The following TTC28 variants were observed in gnomAD, a reference collection of about 807,000 sequenced individuals.
TTC28 encodes tetratricopeptide repeat protein 28.
TTC28 carries 61 observed loss-of-function variants against 198.0 expected under a neutral mutation model. The ratio of observed to expected loss-of-function variants is 0.31; its 90% confidence interval spans 0.25 to 0.38. TTC28 has a LOEUF of 0.38. TTC28 is among the 10% of genes least tolerant of loss of function. The probability of loss-of-function intolerance (pLI) is 1.00; values close to 1 mark genes in which losing one functional copy is unlikely to be tolerated. For missense variants in TTC28, 2,678 were observed against 3,164.0 expected (o/e 0.85, Z 3.69); for synonymous variants, 1,171 against 1,297.8 (o/e 0.90, Z 2.10).
At chr22:28,560,699 G>A (rs1430253200) in intron 2 of TTC28, among the ~76,000 whole-genome samples, 1 of 152,046 alleles carries the variant, frequency 6.6e-6, no homozygotes, top group Non-Finnish European at 1.5e-5. Context: ...GACCTCCTCA[G>A]GGTGAACTTC....
chr22:28,192,065 C>T (rs918081050), intron 5 of TTC28, among the ~76,000 whole-genome samples: 2 of 152,206 alleles, frequency 1.3e-5, no homozygotes, highest in Admixed American at 1.3e-4. Context: ...ACACCTCACA[C>T]GGCCGGGTAC....
chr22:27,983,502 T>C lies in TTC28; in HGVS notation c.6165A>G (p.Glu2055=), dbSNP rs914959273. The change falls in exon 23 of 23, where the codon GAA becomes GAG. Residue 2055 remains glutamate, a synonymous_variant. Coordinates refer to ENST00000397906, the MANE Select transcript of TTC28 (RefSeq NM_001145418.2). ...TRPAGNKDEE[E]YEGFSIISNE... ...TACTGATGATAGAAAACCCTTCATA[T>C]TCTTCTTCATCTTTGTTGCCTGCAG... is the stretch of plus-strand genomic sequence containing the variant. The C allele has an allele frequency of 3.2e-6, 5 of 1,548,392 alleles. No homozygotes were observed. The highest frequency in any genetic ancestry group is 1.4e-5 in the African/African-American group (1 of 72,584).
At chr22:28,268,870 AT>A (rs1277456127) in intron 5 of TTC28, among the ~76,000 whole-genome samples, 1 of 152,106 alleles carries the variant, frequency 6.6e-6, no homozygotes, top group Admixed American at 6.5e-5. Context: ...TTCTACTTCT[AT>A]TTTGGTGAGA....
rs1041709071 is a variant in TTC28 at position 27,998,931 on chromosome 22, G to A, written c.4728C>T (p.Pro1576=). ...PASSKSSFGH[P]YTIPESLRVQ... is the part of the protein sequence containing the mutation. ...CCCGCAAGGACTCAGGGATCGTGTA[G>A]GGGTGGCCGAAGGAGCTCTTGCTGC... Residue 1576 remains proline (P), a synonymous_variant, in exon 16 of 23, where the codon CCC becomes CCT. Transcript: ENST00000397906. 4.5e-6 allele frequency: 7 copies of A among 1,550,690 alleles called. No homozygotes were observed. The highest frequency in any genetic ancestry group is 1.4e-5 in the African/African-American group (1 of 73,060).
chr22:28,395,265 T>A (rs533265869), intron 2 of TTC28, among the ~76,000 whole-genome samples: 27 of 152,292 alleles, frequency 1.8e-4, no homozygotes, highest in African/African-American at 6.0e-4. Flanking sequence ...GAGAGCAAAT[T>A]AATCTTCCTC....
At chr22:28,652,123 AGCCACTGT>A (rs1180254431) in intron 1 of TTC28, among the ~76,000 whole-genome samples, 2 of 152,260 alleles carry the variant, frequency 1.3e-5, no homozygotes, top group African/African-American at 2.4e-5. Context: ...TACAGGCATG[AGCCACTGT>A]GCCTGGCCTG....
At chr22:28,406,164 T>C (rs999313017) in intron 2 of TTC28, among the ~76,000 whole-genome samples, 1 of 152,196 alleles carries the variant, frequency 6.6e-6, no homozygotes, top group Non-Finnish European at 1.5e-5. Flanking sequence ...TTCACTGAAA[T>C]GAAAATATAA....
rs544754911 is a variant in TTC28 at position 28,285,929 on chromosome 22, A to C, written c.933+10269T>G. ...AGTGGATGAATGGCACACCCATAAT[A>C]CATACTAGTACACAGTACAAAACAA... is the stretch of plus-strand genomic sequence containing the variant. On this transcript the variant is annotated intron_variant, in intron 5 of 22. Transcript: ENST00000397906. Among the ~76,000 whole-genome samples, 151 of 152,270 alleles carry C rather than the reference A, an allele frequency of 9.9e-4. 1 individual carries two copies. The highest frequency in any genetic ancestry group is 9.7e-4 in the East Asian group (5 of 5,176).
chr22:28,169,209 T>C (rs1007862766), intron 5 of TTC28, among the ~76,000 whole-genome samples: 10 of 152,144 alleles, frequency 6.6e-5, no homozygotes, highest in African/African-American at 2.4e-4. Context: ...ATAGGAACAC[T>C]TTTACACTGT....
chr22:28,279,635 G>A (rs2044544229), intron 5 of TTC28, among the ~76,000 whole-genome samples: 1 of 152,220 alleles, frequency 6.6e-6, no homozygotes, highest in African/African-American at 2.4e-5. Flanking sequence ...CTCCCAAAGT[G>A]CTGGGATTAC....
chr22:28,099,905 G>A (rs948170128), intron 9 of TTC28, among the ~76,000 whole-genome samples: 1 of 152,118 alleles, frequency 6.6e-6, no homozygotes, highest in Non-Finnish European at 1.5e-5. Context: ...AGTGTCCCAG[G>A]CTCAGATCAT....
chr22:28,408,666 G>T (rs1245673428), intron 2 of TTC28, among the ~76,000 whole-genome samples: 1 of 152,226 alleles, frequency 6.6e-6, no homozygotes, highest in Non-Finnish European at 1.5e-5. Flanking sequence ...TGGGATTACA[G>T]GCGTAAGCCA....
chr22:28,460,366 A>G (rs750672143), intron 2 of TTC28, among the ~76,000 whole-genome samples: 1 of 152,150 alleles, frequency 6.6e-6, no homozygotes, highest in Non-Finnish European at 1.5e-5. Flanking sequence ...AATAAAAATT[A>G]AAAGTCGTTC....
chr22:28,440,438 G>A (rs563646291), intron 2 of TTC28, among the ~76,000 whole-genome samples: 10 of 152,240 alleles, frequency 6.6e-5, no homozygotes, highest in Middle Eastern at 3.4e-3. Flanking sequence ...GAGAGCTCCC[G>A]TTCAATCATA....
chr22:28,371,528 A>AAAAAAAAAAAAG (rs1569288476), intron 2 of TTC28, among the ~76,000 whole-genome samples: 15 of 130,768 alleles, frequency 1.1e-4, no homozygotes, highest in African/African-American at 4.3e-4. Flanking sequence ...AAAAAAAAAA[A>AAAAAAAAAAAAG]AGAGTTCAGA....
At chr22:28,328,704 A>G (rs2045569342) in intron 2 of TTC28, among the ~76,000 whole-genome samples, 1 of 150,650 alleles carries the variant, frequency 6.6e-6, no homozygotes, top group South Asian at 2.1e-4. Context: ...CAGAGAGCCA[A>G]GATCGTGCCA....
intron 2 of TTC28, among the ~76,000 whole-genome samples, chr22:28,345,732 A>G (rs561969926): frequency 1.3e-5 from 2 of 152,342 alleles, no homozygotes; most frequent in South Asian, 2.1e-4. Flanking sequence ...CCAGGAAGGC[A>G]TATTATATTG....
chr22:28,028,018 C>G (rs993324990), intron 13 of TTC28, among the ~76,000 whole-genome samples: 4 of 152,252 alleles, frequency 2.6e-5, no homozygotes, highest in African/African-American at 9.6e-5. Flanking sequence ...CCAGAACCCC[C>G]CTTCCTGGCT....
intron 2 of TTC28, among the ~76,000 whole-genome samples, chr22:28,515,706 T>C (rs546805678): frequency 1.3e-5 from 2 of 152,182 alleles, no homozygotes; most frequent in Non-Finnish European, 2.9e-5. Flanking sequence ...ACATGGCATA[T>C]GCAGTGGGGT....
Sources: allele counts gnomAD v4.1 joint callset (sites outside exome capture counted in the v4.1 genomes callset), GRCh38; gene constraint gnomAD v4.1.1; transcripts MANE v1.5; gene names NCBI Gene and HGNC (gene_info 2026-07-23, HGNC 2026-07-21).